The following CRHBP variants were observed in gnomAD, a reference collection of about 807,000 sequenced individuals.
The protein encoded by CRHBP is corticotropin-releasing hormone-binding protein.
A neutral mutation model predicts 34.9 loss-of-function variants in CRHBP; 19 were observed. That is an observed-to-expected ratio of 0.55 (90% CI 0.38 to 0.80). The LOEUF (loss-of-function observed/expected upper bound fraction) is 0.80, where lower values mean the gene tolerates loss of function less well. Ranked by LOEUF, CRHBP falls within the 30% of genes least tolerant of loss-of-function variation. The probability of loss-of-function intolerance (pLI) is 0.00; values close to 1 mark genes in which losing one functional copy is unlikely to be tolerated. For missense variants in CRHBP, 328 were observed against 409.2 expected (o/e 0.80, Z 1.71); for synonymous variants, 154 against 153.4 (o/e 1.00, Z -0.03).
downstream of CRHBP, among the ~76,000 whole-genome samples, chr5:76,970,589 A>G (rs531562455): frequency 6.6e-6 from 1 of 152,308 alleles, no homozygotes; most frequent in African/African-American, 2.4e-5. Context: ...TATATAAAAT[A>G]TTGGATTCTT....
chr5:76,979,048 C>A (rs149907130), intron 3 of CRHBP, among the ~76,000 whole-genome samples: 110 of 152,356 alleles, frequency 7.2e-4, no homozygotes, highest in African/African-American at 2.5e-3. Flanking sequence ...TATCAGTCAA[C>A]AGCCCATCAA....
chr5:76,979,766 T>A (rs543005174), intron 3 of CRHBP, among the ~76,000 whole-genome samples: 1 of 152,342 alleles, frequency 6.6e-6, no homozygotes, highest in South Asian at 2.1e-4. Context: ...ACCAAAAAAT[T>A]GGTATGACTC....
intron 1 of CRHBP, 37 bp from the exon 2 acceptor site, chr5:76,953,564 C>T: frequency 1.9e-6 from 3 of 1,595,096 alleles, no homozygotes; most frequent in Non-Finnish European, 2.6e-6. Flanking sequence ...ATCCCCAGCC[C>T]TTGAACTTTT....
chr5:76,954,860 T>C (rs895459895), intron 3 of CRHBP, among the ~76,000 whole-genome samples: 27 of 152,252 alleles, frequency 1.8e-4, no homozygotes, highest in Admixed American at 1.8e-3. Flanking sequence ...GGAGCTCTAC[T>C]GTCCAATTAA....
intron 4 of CRHBP, among the ~76,000 whole-genome samples, chr5:76,958,205 A>G (rs1322794325): frequency 5.3e-5 from 8 of 152,142 alleles, no homozygotes; most frequent in African/African-American, 1.9e-4. Flanking sequence ...GCCTGGGGCC[A>G]TGGTGAAGCT....
chr5:76,957,479 C>A (rs1382232995), intron 4 of CRHBP, among the ~76,000 whole-genome samples: 1 of 152,106 alleles, frequency 6.6e-6, no homozygotes, highest in African/African-American at 2.4e-5. Flanking sequence ...CTCTGCCTCT[C>A]GGGTTCAAGC....
chr5:76,964,682 C>G (rs1745834017), intron 6 of CRHBP, among the ~76,000 whole-genome samples: 1 of 152,034 alleles, frequency 6.6e-6, no homozygotes, highest in South Asian at 2.1e-4. Context: ...GTGAAACCCC[C>G]GTCTCTACTA....
intron 5 of CRHBP, among the ~76,000 whole-genome samples, chr5:76,960,700 A>T (rs1416310881): frequency 4.6e-5 from 7 of 152,176 alleles, no homozygotes; most frequent in Non-Finnish European, 8.8e-5. Flanking sequence ...TCAATTTTGC[A>T]CATTGAGTTG....
intron 2 of CRHBP, among the ~76,000 whole-genome samples, chr5:76,975,564 A>G (rs1451011806): frequency 4.0e-5 from 6 of 151,798 alleles, no homozygotes; most frequent in Non-Finnish European, 1.5e-5. Context: ...ACACTTTGGG[A>G]GGCTGAGGTG....
At chr5:76,980,124 G>A (rs1048842579) in intron 3 of CRHBP, among the ~76,000 whole-genome samples, 26 of 151,616 alleles carry the variant, frequency 1.7e-4, no homozygotes, top group East Asian at 3.9e-4. Context: ...GCGTGGTGGC[G>A]GGCGCCTGTA....
At chr5:76,973,159 G>C (rs1377772796), downstream of CRHBP, among the ~76,000 whole-genome samples, 1 of 152,020 alleles carries the variant, frequency 6.6e-6, no homozygotes, top group Admixed American at 6.6e-5. Flanking sequence ...AATATATATA[G>C]CACTATTATC....
intron 3 of CRHBP, among the ~76,000 whole-genome samples, chr5:76,954,975 A>G (rs1419887636): frequency 6.6e-6 from 1 of 152,226 alleles, no homozygotes; most frequent in East Asian, 1.9e-4. Flanking sequence ...AATGTGGACT[A>G]GATTGGACTC....
chr5:76,958,683 A>G (rs1420950028), intron 4 of CRHBP, 58 bp from the exon 5 acceptor site: 2 of 1,556,726 alleles, frequency 1.3e-6, no homozygotes, highest in South Asian at 2.5e-5. Flanking sequence ...ATAAATGTCT[A>G]TAAAAACCTA....
Position 76,968,756 on chromosome 5 carries a change from T to C in CRHBP, c.840T>C (p.Thr280=). The C allele has an allele frequency of 6.2e-7, 1 of 1,613,860 alleles. No individual in the cohort carries two copies. The highest frequency in any genetic ancestry group is 1.6e-4 in the Middle Eastern group (1 of 6,062). ...AGATGAAAGTTGGCTGTGACAACAC[T>C]GTGGTGCGCATGGTCTCCAGTGGAA... ...PAQMKVGCDN[T]VVRMVSSGKH... Residue 280 remains threonine (T), a synonymous_variant, in exon 7 of 7, where the codon ACT becomes ACC. Transcript: ENST00000274368.
At chr5:76,963,524 C>G in intron 6 of CRHBP, 64 bp downstream of exon 6, 1 of 1,394,032 alleles carries the variant, frequency 7.2e-7, no homozygotes, top group African/African-American at 1.4e-5. Flanking sequence ...AAGCACTCCC[C>G]TAATATTTTC....
intron 5 of CRHBP, among the ~76,000 whole-genome samples, chr5:76,962,393 T>TG (rs1745791710): frequency 6.6e-6 from 1 of 151,958 alleles, no homozygotes; most frequent in Non-Finnish European, 1.5e-5. Context: ...CCTGGGGAGA[T>TG]GGGGGCTCAG....
intron 3 of CRHBP, among the ~76,000 whole-genome samples, chr5:76,976,999 C>T (rs1746043361): frequency 1.3e-5 from 2 of 152,168 alleles, no homozygotes; most frequent in South Asian, 2.1e-4. Flanking sequence ...TCACCCATCA[C>T]ATCCAGGCTT....
chr5:76,976,380 G>C (rs1334193925), exon 3 of CRHBP: 1 of 152,158 alleles, frequency 6.6e-6, no homozygotes, highest in Non-Finnish European at 1.5e-5. Flanking sequence ...TTTAGGACCA[G>C]CCCAGAATGC....
chr5:76,978,144 TA>T (rs368841962), intron 3 of CRHBP, among the ~76,000 whole-genome samples: 3 of 151,764 alleles, frequency 2.0e-5, no homozygotes, highest in Non-Finnish European at 2.9e-5. Context: ...CCATCTCCAT[TA>T]AAAAAAAGGT....
Sources: gnomAD v4.1 joint callset for allele counts (sites outside exome capture counted in the v4.1 genomes callset) on GRCh38, gnomAD v4.1.1 for gene constraint, MANE v1.5 for transcripts, NCBI Gene and HGNC (gene_info 2026-07-23, HGNC 2026-07-21) for gene names.